Variants in TGFBRAP1 observed in about 807,000 individuals in gnomAD.
The protein encoded by TGFBRAP1 is transforming growth factor beta receptor associated protein 1.
In TGFBRAP1, 20 loss-of-function variants were observed where a neutral mutation model predicts 83.2. The ratio of observed to expected loss-of-function variants is 0.24; its 90% CI spans 0.17 to 0.35. TGFBRAP1 has a LOEUF of 0.35. TGFBRAP1 is among the 10% of genes least tolerant of loss of function. The probability of loss-of-function intolerance (pLI) is 1.00; values close to 1 mark genes in which losing one functional copy is unlikely to be tolerated. For synonymous variants in TGFBRAP1, 415 were observed against 459.8 expected (o/e 0.90, Z 1.25); for missense variants, 950 against 1,099.4 (o/e 0.86, Z 1.92).
intron 1 of TGFBRAP1, among the ~76,000 whole-genome samples, chr2:105,316,462 T>TGTGCGCGCGCGCGC (rs1177329674): frequency 6.0e-4 from 51 of 84,800 alleles, no homozygotes; most frequent in African/African-American, 1.4e-3. Context: ...TGTGTGTGTG[T>TGTGCGCGCGCGCGC]GCGCGCGCGC....
At chr2:105,284,884 C>T (rs1212636943) in intron 4 of TGFBRAP1, among the ~76,000 whole-genome samples, 2 of 152,178 alleles carry the variant, frequency 1.3e-5, no homozygotes, top group African/African-American at 2.4e-5. Flanking sequence ...TGGTGACGTC[C>T]AACCCACATG....
At chr2:105,310,141 T>C (rs1678645388) in intron 1 of TGFBRAP1, among the ~76,000 whole-genome samples, 1 of 152,164 alleles carries the variant, frequency 6.6e-6, no homozygotes, top group Non-Finnish European at 1.5e-5. Context: ...GCCTCATCTG[T>C]GAAATGAGAA....
At chr2:105,288,922 T>C (rs909308795) in intron 4 of TGFBRAP1, among the ~76,000 whole-genome samples, 1 of 152,080 alleles carries the variant, frequency 6.6e-6, no homozygotes, top group Non-Finnish European at 1.5e-5. Flanking sequence ...GGAATCACAA[T>C]AAGTGTTAGA....
At chr2:105,251,780 T>C in the TGFBRAP1 span, among the ~76,000 whole-genome samples, 1 of 150,804 alleles carries the variant, frequency 6.6e-6, no homozygotes, top group Non-Finnish European at 1.5e-5. Context: ...TGGGAGACTT[T>C]TCATTTTGTT....
intron 10 of TGFBRAP1, among the ~76,000 whole-genome samples, chr2:105,270,654 C>T (rs949328997): frequency 1.3e-5 from 2 of 152,262 alleles, no homozygotes; most frequent in African/African-American, 4.8e-5. Flanking sequence ...ACATGGCAGA[C>T]ATTGCTACCT....
intron 2 of TGFBRAP1, 66 bp downstream of exon 2, chr2:105,307,548 C>T (rs375515365): frequency 8.3e-5 from 124 of 1,490,462 alleles, no homozygotes; most frequent in Middle Eastern, 2.5e-4. Context: ...ATCTCACTCT[C>T]CAGTTTCAAC....
rs781418446 is a variant in TGFBRAP1, at chr2:105,269,543, C to T, written c.2135G>A (p.Arg712His). Residue 712 changes from arginine (R) to histidine (H), a missense_variant, in exon 11 of 12, where the codon CGC (arginine) becomes CAC (histidine). Physicochemically the swap from Arg to His is conservative, Grantham distance 29 (BLOSUM62 0). Coordinates refer to ENST00000393359, the MANE Select transcript of TGFBRAP1 (RefSeq NM_004257.6). The surrounding 1 kb of genome is among the most constrained non-coding windows in gnomAD (Gnocchi z 4.1). ...WCSEGRDPPH[R>H]QQLFHTLLAI... ...CAGCAGCGTGTGAAAGAGTTGCTGG[C>T]GGTGGGGTGGGTCTCGGCCCTCGGA... 7 of 1,611,750 alleles carry T rather than the reference C, an allele frequency of 4.3e-6. No homozygotes were observed. The highest frequency in any genetic ancestry group is 1.7e-4 in the Middle Eastern group (1 of 6,050).
At chr2:105,329,412 T>TCGCACACC (rs1303752783) in intron 1 of TGFBRAP1, among the ~76,000 whole-genome samples, 2 of 151,498 alleles carry the variant, frequency 1.3e-5, no homozygotes, top group East Asian at 3.9e-4. Flanking sequence ...AGCTACCAAG[T>TCGCACACC]CGCACACCCG....
At chr2:105,275,860 GT>G (rs948916011) in intron 7 of TGFBRAP1, among the ~76,000 whole-genome samples, 157 bp from the exon 8 acceptor site, 1 of 151,734 alleles carries the variant, frequency 6.6e-6, no homozygotes, top group East Asian at 1.9e-4. Flanking sequence ...TTAAATTTTA[GT>G]TTTTTTGGAG....
intron 2 of TGFBRAP1, among the ~76,000 whole-genome samples, chr2:105,307,157 C>A (rs1678527661): frequency 6.6e-6 from 1 of 151,812 alleles, no homozygotes. Flanking sequence ...ATCATAAAAA[C>A]CCGATGCAGA....
rs60031957 is a variant in TGFBRAP1 at position 105,296,756 on chromosome 2, C to CTTTTTTTTTTT, written c.884-257_884-247dup. Among the ~76,000 whole-genome samples, 6 of 73,226 alleles carry CTTTTTTTTTTT rather than the reference C, an allele frequency of 8.2e-5. 1 individual carries two copies. The highest frequency in any genetic ancestry group is 1.0e-4 in the Non-Finnish European group (4 of 38,970). The allele number at this position is 73,226 out of a possible 152,430, so 48.0% of individuals were successfully genotyped here. A position where few individuals can be genotyped will look rare whatever the true frequency, so the allele number is the denominator to read the frequency against. ...ATAATATCTTGCTTTCTTTTTTTGC[C>CTTTTTTTTTTT]TTTTTTTTTTTTTTTTTTTTTTTTT... On this transcript the variant is annotated intron_variant, in intron 3 of 11. Transcript: ENST00000393359.
intron 5 of TGFBRAP1, 124 bp downstream of exon 5, chr2:105,284,192 C>T (rs1465010341): frequency 2.2e-5 from 19 of 864,942 alleles, no homozygotes; most frequent in South Asian, 5.9e-5. Context: ...CTACCCCCAC[C>T]GTATCCACCT....
chr2:105,273,041 G>A, intron 9 of TGFBRAP1, 27 bp from the exon 10 acceptor site: 1 of 1,601,908 alleles, frequency 6.2e-7, no homozygotes, highest in South Asian at 1.1e-5. Flanking sequence ...GAGCCAAGCA[G>A]ACAGACAGTG....
At chr2:105,277,936 G>C (rs557804185) in intron 6 of TGFBRAP1, among the ~76,000 whole-genome samples, 1 of 152,306 alleles carries the variant, frequency 6.6e-6, no homozygotes, top group Non-Finnish European at 1.5e-5. Flanking sequence ...GCACACATCT[G>C]TAGTCCCAGA....
intron 4 of TGFBRAP1, among the ~76,000 whole-genome samples, chr2:105,292,518 A>G (rs1677947074): frequency 6.6e-6 from 1 of 152,182 alleles, no homozygotes; most frequent in Non-Finnish European, 1.5e-5. Flanking sequence ...TATCAAGGTA[A>G]TCATTAAAAC....
chr2:105,252,062 G>C, the TGFBRAP1 span, among the ~76,000 whole-genome samples: 1 of 151,020 alleles, frequency 6.6e-6, no homozygotes, highest in African/African-American at 2.4e-5. Context: ...TCACTTATCT[G>C]CTGACCTTCC....
intron 1 of TGFBRAP1, among the ~76,000 whole-genome samples, chr2:105,309,851 G>A (rs181427450): frequency 7.9e-5 from 12 of 152,212 alleles, no homozygotes; most frequent in African/African-American, 1.9e-4. Flanking sequence ...AGGTGATTAG[G>A]TCATGAGGGT....
chr2:105,261,479 C>T (rs972230353), downstream of TGFBRAP1, among the ~76,000 whole-genome samples: 3 of 152,182 alleles, frequency 2.0e-5, no homozygotes, highest in Non-Finnish European at 4.4e-5. Context: ...GAGCCGGGCA[C>T]AGTGGCTCAA....
chr2:105,290,616 AGT>A (rs3060065), intron 4 of TGFBRAP1, among the ~76,000 whole-genome samples: 4,016 of 139,948 alleles, frequency 0.029, 74 homozygotes, highest in African/African-American at 0.055. Context: ...ACAGAGAGAC[AGT>A]GTGTGTGTGT....
Sources: gnomAD v4.1 joint callset for allele counts (sites outside exome capture counted in the v4.1 genomes callset) on GRCh38, gnomAD v4.1.1 for gene constraint, Gnocchi (gnomAD v3.1) non-coding constraint, MANE v1.5 for transcripts, NCBI Gene and HGNC (gene_info 2026-07-23, HGNC 2026-07-21) for gene names.